The following FMN2 variants were observed in gnomAD, a reference collection of about 807,000 sequenced individuals.
The protein encoded by FMN2 is formin-2.
In FMN2, 51 loss-of-function variants were observed where a neutral mutation model predicts 142.3. That is an observed-to-expected ratio of 0.36 (90% confidence interval 0.29 to 0.45). The LOEUF (loss-of-function observed/expected upper bound fraction) is 0.45, where lower values mean the gene tolerates loss of function less well. Ranked by LOEUF, FMN2 falls within the 20% of genes least tolerant of loss-of-function variation. The pLI is 1.00. For synonymous variants in FMN2, 882 were observed against 869.8 expected (o/e 1.01, Z -0.25); for missense variants, 1,936 against 2,122.8 (o/e 0.91, Z 1.73).
intron 14 of FMN2, among the ~76,000 whole-genome samples, chr1:240,370,420 C>G (rs1231528454): frequency 1.3e-5 from 2 of 152,150 alleles, no homozygotes; most frequent in East Asian, 3.8e-4. Flanking sequence ...AACTTACTTG[C>G]TCATTTCTCT....
At chr1:240,211,018 C>T (rs1010931056) in intron 5 of FMN2, 73 bp from the exon 6 acceptor site, 2 of 1,430,058 alleles carry the variant, frequency 1.4e-6, no homozygotes, top group Non-Finnish European at 1.9e-6. Flanking sequence ...TCCCCTTCTT[C>T]CTTTCTATTT....
At chr1:240,259,024 A>G (rs1242835466) in intron 7 of FMN2, among the ~76,000 whole-genome samples, 1 of 152,214 alleles carries the variant, frequency 6.6e-6, no homozygotes, top group African/African-American at 2.4e-5. Context: ...CAAGCTTGGT[A>G]TGCCCTGTCA....
intron 2 of FMN2, among the ~76,000 whole-genome samples, chr1:240,130,115 G>A (rs1662676019): frequency 6.6e-6 from 1 of 151,962 alleles, no homozygotes; most frequent in Non-Finnish European, 1.5e-5. Flanking sequence ...TTTATGTTTA[G>A]GGCATACTTT....
intron 2 of FMN2, among the ~76,000 whole-genome samples, chr1:240,124,627 G>T (rs956074908): frequency 5.3e-5 from 8 of 152,058 alleles, no homozygotes; most frequent in African/African-American, 1.9e-4. Context: ...TTGAAGGTTG[G>T]CTCACTTGTG....
At chr1:240,311,885 G>A (rs1359694908) in intron 8 of FMN2, among the ~76,000 whole-genome samples, 1 of 152,178 alleles carries the variant, frequency 6.6e-6, no homozygotes, top group Admixed American at 6.5e-5. Context: ...GAGTGCAGTG[G>A]TGTGATCATA....
chr1:240,225,283 T>A (rs1201501095), intron 6 of FMN2, among the ~76,000 whole-genome samples: 2 of 151,958 alleles, frequency 1.3e-5, no homozygotes, highest in Non-Finnish European at 2.9e-5. Flanking sequence ...GTAGAAAAAA[T>A]TGGTAAATTC....
intron 8 of FMN2, among the ~76,000 whole-genome samples, chr1:240,328,168 A>AAAAAGAAAAG (rs1192510912): frequency 1.5e-5 from 2 of 135,804 alleles, no homozygotes; most frequent in African/African-American, 5.6e-5. Context: ...AAAAAAAAAA[A>AAAAAGAAAAG]AAAAGAAAAA....
intron 16 of FMN2, among the ~76,000 whole-genome samples, chr1:240,460,417 C>T (rs932485573): frequency 6.6e-5 from 10 of 152,046 alleles, no homozygotes; most frequent in African/African-American, 2.4e-4. Context: ...CATGGTGAAA[C>T]GCCGTCTCTA....
At chr1:240,184,435 C>T (rs991343638) in intron 3 of FMN2, among the ~76,000 whole-genome samples, 1 of 150,594 alleles carries the variant, frequency 6.6e-6, no homozygotes, top group Non-Finnish European at 1.5e-5. Flanking sequence ...GGGGTTTCAC[C>T]GTATTGGCCT....
Position 240,236,868 on chromosome 1 carries a change from A to AT in FMN2, c.4066-21076dup, listed in dbSNP as rs1329234336. 3.9e-4 allele frequency among the ~76,000 whole-genome samples: 59 copies of AT among 152,188 alleles called. 1 individual carries two copies. The highest frequency in any genetic ancestry group is 8.4e-4 in the Non-Finnish European group (57 of 68,044). On this transcript the variant is annotated intron_variant, in intron 6 of 17. Coordinates refer to ENST00000319653, the MANE Select transcript of FMN2 (RefSeq NM_020066.5). ...TTTGGAGGGGACAAACATCCAAACTATATCAGCCATATAAAAATTAAACTC... is the reference window on the plus strand; with the variant it reads ...TTTGGAGGGGACAAACATCCAAACTATTATCAGCCATATAAAAATTAAACTC...
intron 2 of FMN2, among the ~76,000 whole-genome samples, chr1:240,135,055 T>C (rs991044233): frequency 2.6e-5 from 4 of 152,210 alleles, no homozygotes; most frequent in Non-Finnish European, 4.4e-5. Flanking sequence ...GTTGTGCTTA[T>C]TTAGCTCTCT....
chr1:240,432,058 T>C (rs143410371), intron 15 of FMN2, among the ~76,000 whole-genome samples: 1 of 152,112 alleles, frequency 6.6e-6, no homozygotes, highest in East Asian at 1.9e-4. Flanking sequence ...CTTTATTTCT[T>C]CATCAAATGT....
chr1:240,179,131 A>G (rs1665046766), intron 3 of FMN2, among the ~76,000 whole-genome samples: 1 of 152,190 alleles, frequency 6.6e-6, no homozygotes, highest in South Asian at 2.1e-4. Flanking sequence ...TATGAGAATT[A>G]TAGGCATTTA....
chr1:240,271,787 A>C (rs184614178), intron 7 of FMN2, among the ~76,000 whole-genome samples: 1 of 152,122 alleles, frequency 6.6e-6, no homozygotes, highest in Non-Finnish European at 1.5e-5. Context: ...TTTAATTTAA[A>C]ATATAAGTTC....
intron 13 of FMN2, among the ~76,000 whole-genome samples, chr1:240,354,458 G>A (rs58100003): frequency 0.011 from 1,632 of 152,278 alleles, 32 homozygotes; most frequent in African/African-American, 0.037. Flanking sequence ...TTCTGTACTG[G>A]TGGAAGTTTC....
chr1:240,275,333 T>C (rs956272223), intron 7 of FMN2, among the ~76,000 whole-genome samples: 1 of 151,808 alleles, frequency 6.6e-6, no homozygotes, highest in Non-Finnish European at 1.5e-5. Context: ...AGTGAGAACA[T>C]GTGGTGCTTG....
In FMN2 at chr1:240,465,384, G is replaced by GTGTGTC. The variant is rs1241874596; in HGVS notation, c.5061-6985_5061-6984insGTCTGT. Among the ~76,000 whole-genome samples, 209 of 129,018 alleles carry GTGTGTC rather than the reference G, an allele frequency of 1.6e-3. 3 individuals carry two copies. The highest frequency in any genetic ancestry group is 5.1e-3 in the African/African-American group (182 of 36,024). 84.6% of individuals were successfully genotyped at this position (129,018 alleles called of 152,430 possible). On this transcript the variant is annotated intron_variant, in intron 16 of 17. Coordinates refer to ENST00000319653, the MANE Select transcript of FMN2 (RefSeq NM_020066.5). ...TGTGTGTGTGTGTGTGTGTGTGTGT[G>GTGTGTC]TGTCTGTCTTTCTCTTTTTTCTCTC...
chr1:240,329,978 C>T (rs1220516149), intron 10 of FMN2, among the ~76,000 whole-genome samples: 1 of 152,092 alleles, frequency 6.6e-6, no homozygotes, highest in Admixed American at 6.6e-5. Context: ...AACAATTTGT[C>T]AAATATCAGT....
chr1:240,261,295 G>A (rs548406434), intron 7 of FMN2, among the ~76,000 whole-genome samples: 15 of 151,222 alleles, frequency 9.9e-5, no homozygotes, highest in South Asian at 2.1e-4. Flanking sequence ...TCAGTATCAC[G>A]CAGCTCATTA....
Sources: allele counts gnomAD v4.1 joint callset (sites outside exome capture counted in the v4.1 genomes callset), GRCh38; gene constraint gnomAD v4.1.1; transcripts MANE v1.5; gene names NCBI Gene and HGNC (gene_info 2026-07-23, HGNC 2026-07-21).